Variants in CCSER1 observed in about 807,000 individuals in gnomAD.
The protein encoded by CCSER1 is coiled-coil serine rich protein 1, also known as serine-rich coiled-coil domain-containing protein 1.
Under a neutral mutation model 82.0 loss-of-function variants are expected in CCSER1, and 41 were observed. The ratio of observed to expected loss-of-function variants is 0.50; its 90% CI spans 0.39 to 0.65. CCSER1 has a LOEUF of 0.65. Ranked by LOEUF, CCSER1 falls within the 30% of genes least tolerant of loss-of-function variation. The pLI, the probability that CCSER1 is intolerant of heterozygous loss-of-function variation, is 0.00. For missense variants in CCSER1, 1,119 were observed against 1,064.2 expected, an observed-to-expected ratio of 1.05 and a Z score of -0.72; for synonymous variants, 414 against 383.9, an observed-to-expected ratio of 1.08 and a Z score of -0.92.
At chr4:90,305,881 T>A (rs551268450) in intron 1 of CCSER1, among the ~76,000 whole-genome samples, 2 of 152,352 alleles carry the variant, frequency 1.3e-5, no homozygotes, top group South Asian at 4.1e-4. Context: ...TGTACTCCTA[T>A]GCTTATTGCA....
intron 10 of CCSER1, among the ~76,000 whole-genome samples, chr4:91,368,927 T>C (rs1749828449): frequency 6.6e-6 from 1 of 152,218 alleles, no homozygotes; most frequent in South Asian, 2.1e-4. Flanking sequence ...CAGTTACTAT[T>C]GATGAGGAGA....
chr4:90,163,553 C>T (rs970651806), intron 1 of CCSER1, among the ~76,000 whole-genome samples: 1 of 152,106 alleles, frequency 6.6e-6, no homozygotes, highest in Non-Finnish European at 1.5e-5. Flanking sequence ...TTAATTCACA[C>T]TGATTCACTA....
In CCSER1 at chr4:91,168,062, G is replaced by A. The variant is rs185682487; in HGVS notation, c.2217+82068G>A. Among the ~76,000 whole-genome samples, 162 of 143,330 alleles carry A rather than the reference G, an allele frequency of 1.1e-3. 5 individuals are homozygous for A. In the East Asian group the frequency reaches 0.023, roughly 20 times the overall value. The allele number at this position is 143,330 out of a possible 152,430, so 94.0% of individuals were successfully genotyped here. A position where few individuals can be genotyped will look rare whatever the true frequency, so the allele number is the denominator to read the frequency against. ...AAGTGAGGGGCACCTCTGCCCAGCC[G>A]CCCTGTCTGGGAGGAAGTGAGGAGC... is the stretch of plus-strand genomic sequence containing the variant. On this transcript the variant is annotated intron_variant, in intron 10 of 10. Coordinates refer to ENST00000509176, the MANE Select transcript of CCSER1 (RefSeq NM_001145065.2).
At chr4:91,523,406 A>G (rs934158183) in intron 10 of CCSER1, among the ~76,000 whole-genome samples, 4 of 151,936 alleles carry the variant, frequency 2.6e-5, no homozygotes, top group African/African-American at 7.3e-5. Flanking sequence ...GTTAGGGAGG[A>G]TTCCCTCTTT....
At chr4:90,956,745 T>C (rs923898635) in intron 9 of CCSER1, among the ~76,000 whole-genome samples, 5 of 150,496 alleles carry the variant, frequency 3.3e-5, no homozygotes, top group Non-Finnish European at 5.9e-5. Flanking sequence ...CCATCTGATA[T>C]TCTTTTCTTT....
In CCSER1 at chr4:91,237,908, C is replaced by T. The variant is rs191745418; in HGVS notation, c.2217+151914C>T. 5.3e-4 allele frequency among the ~76,000 whole-genome samples: 81 copies of T among 152,206 alleles called. 2 individuals are homozygous for T. Among genetic ancestry groups the T allele is most frequent in the Admixed American group, 4.8e-3 (74 of 15,288 alleles). The stretch of plus-strand genomic sequence containing the variant: ...TTATTTGAGAGCACTAAAAGTATTC[C>T]AAAAGGAACCAACTAACATTTGAGT... On this transcript the variant is annotated intron_variant, in intron 10 of 10. Coordinates refer to ENST00000509176, the MANE Select transcript of CCSER1 (RefSeq NM_001145065.2).
At chr4:91,240,275 C>CCA (rs1739305631) in intron 10 of CCSER1, among the ~76,000 whole-genome samples, 1 of 64,236 alleles carries the variant, frequency 1.6e-5, no homozygotes, top group African/African-American at 9.3e-5. Context: ...ACGGGGTTTC[C>CCA]CTGTGTTAGC....
chr4:90,792,195 T>C (rs141220980), intron 7 of CCSER1, among the ~76,000 whole-genome samples: 1 of 152,262 alleles, frequency 6.6e-6, no homozygotes, highest in Admixed American at 6.5e-5. Context: ...CTTTTTTTTC[T>C]CTTGGAAATT....
chr4:91,505,465 T>TG (rs2110102721), intron 10 of CCSER1, among the ~76,000 whole-genome samples: 1 of 152,320 alleles, frequency 6.6e-6, no homozygotes, highest in South Asian at 2.1e-4. Context: ...TACCCAGTAA[T>TG]GGGATTGCTA....
At chr4:91,259,958 G>T (rs577482720) in intron 10 of CCSER1, among the ~76,000 whole-genome samples, 1 of 152,254 alleles carries the variant, frequency 6.6e-6, no homozygotes, top group Non-Finnish European at 1.5e-5. Context: ...ATTTGGGAAA[G>T]GAATCTGTTG....
chr4:91,462,436 G>A (rs781617081), intron 10 of CCSER1, among the ~76,000 whole-genome samples: 3 of 152,168 alleles, frequency 2.0e-5, no homozygotes, highest in South Asian at 4.2e-4. Context: ...CGTCAGCCAC[G>A]CAGAAGATGG....
At chr4:90,969,984 C>A in intron 9 of CCSER1, among the ~76,000 whole-genome samples, 2 of 145,398 alleles carry the variant, frequency 1.4e-5, no homozygotes, top group Admixed American at 6.9e-5. Context: ...CAAATTATAC[C>A]ACCGCAAAAA....
At chr4:91,515,406 T>G (rs185800939) in intron 10 of CCSER1, among the ~76,000 whole-genome samples, 1 of 152,250 alleles carries the variant, frequency 6.6e-6, no homozygotes, top group Non-Finnish European at 1.5e-5. Flanking sequence ...TCCTTCTAAG[T>G]GTCCATGTGT....
intron 10 of CCSER1, among the ~76,000 whole-genome samples, chr4:91,253,871 C>T (rs1420994237): frequency 6.6e-6 from 1 of 151,974 alleles, no homozygotes; most frequent in Non-Finnish European, 1.5e-5. Context: ...GGGGGAGGTG[C>T]TACACACTTT....
At chr4:90,934,966 T>TAGGGG (rs1730748537) in intron 9 of CCSER1, among the ~76,000 whole-genome samples, 1 of 151,466 alleles carries the variant, frequency 6.6e-6, no homozygotes. Flanking sequence ...ACACACAAAA[T>TAGGGG]AGGGGACTGT....
chr4:91,543,379 G>T (rs928543098), intron 10 of CCSER1, among the ~76,000 whole-genome samples: 2 of 152,178 alleles, frequency 1.3e-5, no homozygotes, highest in African/African-American at 4.8e-5. Context: ...GTTAGTTGAT[G>T]CAGTTTCTTC....
chr4:91,286,620 G>A (rs1228099484), intron 10 of CCSER1, among the ~76,000 whole-genome samples: 1 of 151,798 alleles, frequency 6.6e-6, no homozygotes, highest in East Asian at 1.9e-4. Context: ...TGGCAAAGAT[G>A]TGACCCATAG....
chr4:90,726,664 C>G (rs1289213289), intron 7 of CCSER1, among the ~76,000 whole-genome samples: 2 of 152,128 alleles, frequency 1.3e-5, no homozygotes, highest in African/African-American at 4.8e-5. Context: ...ACTCACTTCT[C>G]TATTCCCCCA....
chr4:90,701,188 A>G (rs913872315), intron 6 of CCSER1, among the ~76,000 whole-genome samples: 2 of 152,218 alleles, frequency 1.3e-5, no homozygotes, highest in East Asian at 3.8e-4. Flanking sequence ...ATCCAGTTTC[A>G]GGTTTCTACA....
Sources: gnomAD v4.1 joint callset for allele counts (sites outside exome capture counted in the v4.1 genomes callset) on GRCh38, gnomAD v4.1.1 for gene constraint, MANE v1.5 for transcripts, NCBI Gene and HGNC (gene_info 2026-07-23, HGNC 2026-07-21) for gene names.